The following C1QTNF3 variants were observed in gnomAD, a reference collection of about 807,000 sequenced individuals.
The protein encoded by C1QTNF3 is C1q and TNF related 3, also known as complement C1q tumor necrosis factor-related protein 3.
In C1QTNF3, 26 loss-of-function variants were observed where a neutral mutation model predicts 32.6. That is an observed-to-expected ratio of 0.80 (90% CI 0.58 to 1.11). The LOEUF (loss-of-function observed/expected upper bound fraction) is 1.11. Ranked by LOEUF, C1QTNF3 falls within the 50% of genes least tolerant of loss-of-function variation. The pLI is 0.00. For missense variants in C1QTNF3, 362 were observed against 398.2 expected, an observed-to-expected ratio of 0.91 and a Z score of 0.77; for synonymous variants, 155 against 146.0, an observed-to-expected ratio of 1.06 and a Z score of -0.44.
the C1QTNF3 span, among the ~76,000 whole-genome samples, chr5:34,147,600 T>C: frequency 6.6e-6 from 1 of 151,520 alleles, no homozygotes; most frequent in African/African-American, 2.4e-5. Context: ...CACTTATAAG[T>C]GGGAAATAAA....
chr5:34,210,756 T>C, the C1QTNF3 span, among the ~76,000 whole-genome samples: 5 of 152,060 alleles, frequency 3.3e-5, no homozygotes, highest in Non-Finnish European at 7.4e-5. Context: ...ATGATTCCTT[T>C]GTGAGTGTGA....
intron 1 of C1QTNF3, among the ~76,000 whole-genome samples, chr5:34,041,681 C>T (rs953149778): frequency 6.6e-6 from 1 of 151,970 alleles, no homozygotes; most frequent in Admixed American, 6.6e-5. Flanking sequence ...TCATTTCTTC[C>T]GTGGCTCCTT....
At chr5:34,072,031 C>G in the C1QTNF3 span, among the ~76,000 whole-genome samples, 1 of 151,638 alleles carries the variant, frequency 6.6e-6, no homozygotes, top group Non-Finnish European at 1.5e-5. Flanking sequence ...AACTAGTTTA[C>G]AGCATTTCCT....
At chr5:34,217,433 A>G in the C1QTNF3 span, among the ~76,000 whole-genome samples, 1 of 152,102 alleles carries the variant, frequency 6.6e-6, no homozygotes, top group Non-Finnish European at 1.5e-5. Context: ...GAACCTATAC[A>G]CTTACATTCC....
chr5:34,134,973 T>G, the C1QTNF3 span, among the ~76,000 whole-genome samples: 1 of 152,184 alleles, frequency 6.6e-6, no homozygotes, highest in African/African-American at 2.4e-5. Context: ...ATAGGAGTGG[T>G]GAGAGAGGGC....
chr5:34,226,697 G>C, the C1QTNF3 span, among the ~76,000 whole-genome samples: 1 of 151,418 alleles, frequency 6.6e-6, no homozygotes, highest in Non-Finnish European at 1.5e-5. Flanking sequence ...TATAACTTTG[G>C]ACTCCCCAAA....
chr5:34,174,950 T>C, the C1QTNF3 span, among the ~76,000 whole-genome samples: 1 of 151,596 alleles, frequency 6.6e-6, no homozygotes, highest in Admixed American at 6.6e-5. Context: ...AGGGTTTCAC[T>C]GTTAGCCAGG....
At chr5:34,162,895 T>C in the C1QTNF3 span, among the ~76,000 whole-genome samples, 1 of 152,178 alleles carries the variant, frequency 6.6e-6, no homozygotes. Context: ...CTGACTTGCC[T>C]ACCCTTTTCT....
chr5:34,159,847 G>A, the C1QTNF3 span, among the ~76,000 whole-genome samples: 1 of 148,736 alleles, frequency 6.7e-6, no homozygotes, highest in Non-Finnish European at 1.5e-5. Flanking sequence ...AAAAAAAACC[G>A]GAAGTATAAA....
At chr5:34,222,318 T>G in the C1QTNF3 span, among the ~76,000 whole-genome samples, 1 of 151,988 alleles carries the variant, frequency 6.6e-6, no homozygotes, top group Non-Finnish European at 1.5e-5. Context: ...AGGGCACAAT[T>G]GTAAATGGTT....
intron 3 of C1QTNF3, among the ~76,000 whole-genome samples, chr5:34,031,088 A>T (rs990811415): frequency 1.3e-5 from 2 of 152,194 alleles, no homozygotes; most frequent in African/African-American, 4.8e-5. Context: ...TTAGAATAAA[A>T]GTTAAAAAAA....
At chr5:34,230,694 T>A in the C1QTNF3 span, among the ~76,000 whole-genome samples, 2 of 152,190 alleles carry the variant, frequency 1.3e-5, no homozygotes, top group Non-Finnish European at 2.9e-5. Flanking sequence ...ATTCACCATA[T>A]TTCAAGTGTT....
At chr5:34,076,225 A>G in the C1QTNF3 span, among the ~76,000 whole-genome samples, 1 of 151,608 alleles carries the variant, frequency 6.6e-6, no homozygotes, top group Non-Finnish European at 1.5e-5. Flanking sequence ...ATGTGAATGT[A>G]CTTAATACTA....
chr5:34,092,648 T>A, the C1QTNF3 span, among the ~76,000 whole-genome samples: 3 of 151,468 alleles, frequency 2.0e-5, no homozygotes, highest in Non-Finnish European at 2.9e-5. Flanking sequence ...TGATGACTAC[T>A]GGGTTTTTCA....
At chr5:34,216,117 A>G in the C1QTNF3 span, among the ~76,000 whole-genome samples, 6 of 152,360 alleles carry the variant, frequency 3.9e-5, no homozygotes, top group African/African-American at 1.4e-4. Context: ...ATATTGGCAA[A>G]GAATATCACA....
At chr5:34,198,158 G>C in the C1QTNF3 span, among the ~76,000 whole-genome samples, 40 of 144,668 alleles carry the variant, frequency 2.8e-4, 1 homozygote, top group South Asian at 7.7e-3. Flanking sequence ...AGAAGAAACA[G>C]TTGAACCCAG....
chr5:34,215,259 T>C, the C1QTNF3 span, among the ~76,000 whole-genome samples: 1 of 152,108 alleles, frequency 6.6e-6, no homozygotes, highest in Non-Finnish European at 1.5e-5. Context: ...ACACTAGACA[T>C]ATGTCCTGTG....
the C1QTNF3 span, among the ~76,000 whole-genome samples, chr5:34,053,408 C>T: frequency 0.26 from 39,899 of 152,148 alleles, 5,769 homozygotes; most frequent in South Asian, 0.45. Context: ...AGGAGTCCAC[C>T]GAACCATGTC....
chr5:34,075,874 A>ACG, the C1QTNF3 span, among the ~76,000 whole-genome samples: 1 of 107,726 alleles, frequency 9.3e-6, no homozygotes, highest in Non-Finnish European at 2.1e-5. Context: ...ATAAACAATT[A>ACG]TGGTGTGTGT....
Sources: allele counts gnomAD v4.1 joint callset (sites outside exome capture counted in the v4.1 genomes callset), GRCh38; gene constraint gnomAD v4.1.1; transcripts MANE v1.5; gene names NCBI Gene and HGNC (gene_info 2026-07-23, HGNC 2026-07-21).